Variants in KHDRBS3 observed in about 807,000 individuals in gnomAD.
KHDRBS3 encodes the protein KH domain-containing, RNA-binding, signal transduction-associated protein 3.
In KHDRBS3, 23 loss-of-function variants were observed where a neutral mutation model predicts 45.6. The observed-to-expected ratio is 0.50, with a 90% CI of 0.36 to 0.72. The LOEUF (loss-of-function observed/expected upper bound fraction) is 0.72. KHDRBS3 is among the 30% of genes least tolerant of loss of function. The pLI is 0.00. For missense variants in KHDRBS3, 352 were observed against 424.8 expected (o/e 0.83, Z 1.51); for synonymous variants, 162 against 156.5 (o/e 1.04, Z -0.26).
intron 5 of KHDRBS3, among the ~76,000 whole-genome samples, chr8:135,567,971 G>A: frequency 6.6e-6 from 1 of 152,172 alleles, no homozygotes; most frequent in Non-Finnish European, 1.5e-5. Flanking sequence ...AAGGGGCACA[G>A]GAAGGCTCCT....
intron 1 of KHDRBS3, among the ~76,000 whole-genome samples, chr8:135,476,618 C>A (rs916394534): frequency 2.0e-5 from 3 of 152,078 alleles, no homozygotes; most frequent in African/African-American, 7.2e-5. Flanking sequence ...TCTAAAGCAC[C>A]TTTTAGGTAA....
At chr8:135,595,037 C>G (rs894958317) in intron 6 of KHDRBS3, among the ~76,000 whole-genome samples, 1 of 152,100 alleles carries the variant, frequency 6.6e-6, no homozygotes, top group Non-Finnish European at 1.5e-5. Flanking sequence ...AAGAATAAAC[C>G]AATTGTTGCT....
At chr8:135,550,430 A>T (rs1216488367) in intron 4 of KHDRBS3, among the ~76,000 whole-genome samples, 2 of 152,124 alleles carry the variant, frequency 1.3e-5, no homozygotes, top group African/African-American at 4.8e-5. Flanking sequence ...CTCTAAATTT[A>T]TTTTTTTCTA....
At chr8:135,500,214 C>G (rs1207443045) in intron 1 of KHDRBS3, among the ~76,000 whole-genome samples, 1 of 151,600 alleles carries the variant, frequency 6.6e-6, no homozygotes. Context: ...AGAGAAAATT[C>G]AGTTCATTGT....
At chr8:135,634,244 G>A (rs181139878) in intron 7 of KHDRBS3, among the ~76,000 whole-genome samples, 11 of 152,284 alleles carry the variant, frequency 7.2e-5, no homozygotes, top group African/African-American at 2.4e-4. Flanking sequence ...GAGAAACATG[G>A]TGAAATTATT....
intron 3 of KHDRBS3, among the ~76,000 whole-genome samples, chr8:135,546,900 A>G (rs1826333281): frequency 6.6e-6 from 1 of 152,218 alleles, no homozygotes; most frequent in Admixed American, 6.5e-5. Flanking sequence ...CCCTGGCTAC[A>G]GCTATGATAA....
chr8:135,493,332 G>A (rs924392119), intron 1 of KHDRBS3, among the ~76,000 whole-genome samples: 3 of 152,014 alleles, frequency 2.0e-5, no homozygotes, highest in Non-Finnish European at 4.4e-5. Flanking sequence ...CCCCACTACA[G>A]TGTAGCATAG....
At chr8:135,608,853 G>A (rs1364127793) in intron 7 of KHDRBS3, among the ~76,000 whole-genome samples, 1 of 152,206 alleles carries the variant, frequency 6.6e-6, no homozygotes, top group East Asian at 1.9e-4. Flanking sequence ...ACTGCAGGCA[G>A]TGGACACACA....
intron 6 of KHDRBS3, among the ~76,000 whole-genome samples, chr8:135,594,877 T>G (rs1308057025): frequency 6.6e-6 from 1 of 152,138 alleles, no homozygotes; most frequent in Admixed American, 6.5e-5. Context: ...GACCTAGCAG[T>G]GGGTAATTCC....
rs966257955 is a variant in KHDRBS3, at chr8:135,548,668, GGTTA to G, written c.325-82_325-79del. The G allele has an allele frequency of 8.1e-4, 869 of 1,074,794 alleles. 2 individuals are homozygous for G. Among genetic ancestry groups the G allele is most frequent in the South Asian group, 3.0e-3 (135 of 45,432 alleles). The allele number at this position is 1,074,794 out of a possible 1,614,324, so 66.6% of individuals were successfully genotyped here. ...CCAGATGGATTGTTTTTATTTTGGG[GGTTA>G]GTTTTTATTTATTTATTTATTTATC... On this transcript the variant is annotated intron_variant, in intron 3 of 8. Coordinates refer to ENST00000355849, the MANE Select transcript of KHDRBS3 (RefSeq NM_006558.3).
At chr8:135,622,980 C>T (rs1221952697) in intron 7 of KHDRBS3, among the ~76,000 whole-genome samples, 2 of 152,220 alleles carry the variant, frequency 1.3e-5, no homozygotes, top group Admixed American at 6.5e-5. Flanking sequence ...ATCTGTGACC[C>T]CTTTTCTACT....
At chr8:135,581,393 A>G (rs1828199382) in intron 5 of KHDRBS3, among the ~76,000 whole-genome samples, 1 of 152,212 alleles carries the variant, frequency 6.6e-6, no homozygotes, top group African/African-American at 2.4e-5. Context: ...CACATTATTC[A>G]GGAAAGTATA....
chr8:135,636,974 T>A (rs1303066190), intron 7 of KHDRBS3, among the ~76,000 whole-genome samples: 1 of 152,238 alleles, frequency 6.6e-6, no homozygotes, highest in African/African-American at 2.4e-5. Context: ...AGCAGTGGCA[T>A]TGCCCTAGTA....
At chr8:135,541,795 T>C (rs929281865) in intron 2 of KHDRBS3, 2 of 152,364 alleles carry the variant, frequency 1.3e-5, no homozygotes, top group East Asian at 3.9e-4. Flanking sequence ...CTGATTTTTT[T>C]TTGTATTCAA....
chr8:135,625,522 A>G, intron 7 of KHDRBS3: 1 of 833,526 alleles, frequency 1.2e-6, no homozygotes, highest in Admixed American at 1.8e-5. Context: ...CACTGCTAGA[A>G]CTGAGAGGTT....
chr8:135,588,458 T>C (rs1828588116), intron 6 of KHDRBS3, among the ~76,000 whole-genome samples: 1 of 152,096 alleles, frequency 6.6e-6, no homozygotes, highest in African/African-American at 2.4e-5. Context: ...TAGACGTACT[T>C]GATTAAATAA....
At chr8:135,564,340 C>T (rs889211744) in intron 5 of KHDRBS3, among the ~76,000 whole-genome samples, 2 of 152,190 alleles carry the variant, frequency 1.3e-5, no homozygotes, top group African/African-American at 4.8e-5. Flanking sequence ...AGTTACGTAG[C>T]ACCCAATATG....
intron 4 of KHDRBS3, among the ~76,000 whole-genome samples, chr8:135,654,623 T>A (rs929143755): frequency 1.3e-5 from 2 of 152,194 alleles, no homozygotes; most frequent in African/African-American, 2.4e-5. Context: ...CTCGTCTGTG[T>A]CTTATGGGGA....
At chr8:135,568,294 A>G (rs1016539723) in intron 5 of KHDRBS3, among the ~76,000 whole-genome samples, 1 of 152,188 alleles carries the variant, frequency 6.6e-6, no homozygotes, top group African/African-American at 2.4e-5. Context: ...AATTTATTCT[A>G]AAAAATAGGG....
Sources: gnomAD v4.1 joint callset for allele counts (sites outside exome capture counted in the v4.1 genomes callset) on GRCh38, gnomAD v4.1.1 for gene constraint, MANE v1.5 for transcripts, NCBI Gene and HGNC (gene_info 2026-07-23, HGNC 2026-07-21) for gene names.